The following CADM2 variants were observed in gnomAD, a reference collection of about 807,000 sequenced individuals.
The protein encoded by CADM2 is cell adhesion molecule 2.
A neutral mutation model predicts 49.8 loss-of-function variants in CADM2; 12 were observed. That is an observed-to-expected ratio of 0.24 (90% CI 0.15 to 0.39). The LOEUF is 0.39. CADM2 is among the 10% of genes least tolerant of loss of function. The pLI is 1.00. For synonymous variants in CADM2, 214 were observed against 175.4 expected, an observed-to-expected ratio of 1.22 and a Z score of -1.74; for missense variants, 378 against 492.3, an observed-to-expected ratio of 0.77 and a Z score of 2.20.
chr3:85,728,191 CT>C (rs1239573960), intron 2 of CADM2, among the ~76,000 whole-genome samples: 1 of 152,108 alleles, frequency 6.6e-6, no homozygotes, highest in African/African-American at 2.4e-5. Flanking sequence ...CATTTCAGGA[CT>C]CAAGCTGACT....
At chr3:85,393,828 TAAAG>T (rs1347797397) in intron 1 of CADM2, among the ~76,000 whole-genome samples, 1 of 152,176 alleles carries the variant, frequency 6.6e-6, no homozygotes, top group Non-Finnish European at 1.5e-5. Context: ...AACTTTGTCT[TAAAG>T]AAGTGAAATA....
Position 85,004,959 on chromosome 3 carries a change from C to T in CADM2, c.61+45291C>T, listed in dbSNP as rs147879126. On this transcript the variant is annotated intron_variant, in intron 1 of 9. Transcript: ENST00000383699. The stretch of plus-strand genomic sequence containing the variant: ...GTGATGGCTCGGCACATCCAAGTTG[C>T]AATAACTAATGGCAGTTGACTGCTC... 6.3e-3 allele frequency among the ~76,000 whole-genome samples: 961 copies of T among 152,214 alleles called. 9 individuals carry two copies. The highest frequency in any genetic ancestry group is 0.021 in the African/African-American group (893 of 41,548).
chr3:85,368,372 G>C (rs13092765), intron 1 of CADM2, among the ~76,000 whole-genome samples: 6,340 of 151,972 alleles, frequency 0.042, 201 homozygotes, highest in Non-Finnish European at 0.056. Flanking sequence ...AGAGGGGAGT[G>C]GGCTAAGCAT....
intron 3 of CADM2, among the ~76,000 whole-genome samples, chr3:85,818,068 G>A (rs1403838870): frequency 6.6e-6 from 1 of 152,100 alleles, no homozygotes; most frequent in Non-Finnish European, 1.5e-5. Flanking sequence ...AAATGGCTGT[G>A]TTGTGGGCAA....
intron 1 of CADM2, among the ~76,000 whole-genome samples, chr3:85,321,114 ATATTTTTTTTTTTTTTTTTTTTT>A (rs2044594847): frequency 2.6e-4 from 9 of 34,136 alleles, no homozygotes; most frequent in Non-Finnish European, 3.5e-4. Context: ...ATATATATAT[ATATTTTTTTTTTTTTTTTTTTTT>A]TTTTTTTTTT....
chr3:85,028,598 C>G (rs887964930), intron 1 of CADM2, among the ~76,000 whole-genome samples: 1 of 151,990 alleles, frequency 6.6e-6, no homozygotes. Context: ...TTTTGGACTC[C>G]TCTGTTAATG....
chr3:85,387,901 T>G (rs1052978847), intron 1 of CADM2, among the ~76,000 whole-genome samples: 3 of 152,204 alleles, frequency 2.0e-5, no homozygotes, highest in African/African-American at 7.2e-5. Context: ...TATAGTTCCT[T>G]TGCTTTAATT....
chr3:85,294,113 A>G (rs1034544466), intron 1 of CADM2, among the ~76,000 whole-genome samples: 7 of 151,958 alleles, frequency 4.6e-5, no homozygotes, highest in South Asian at 4.2e-4. Context: ...AAATCAATGT[A>G]CAAAAATCAC....
chr3:85,840,554 G>C (rs1175700422), intron 3 of CADM2, among the ~76,000 whole-genome samples: 2 of 151,716 alleles, frequency 1.3e-5, no homozygotes, highest in African/African-American at 4.8e-5. Flanking sequence ...GATTCTAATT[G>C]ATCCCTCAAT....
intron 1 of CADM2, among the ~76,000 whole-genome samples, chr3:85,535,069 G>A (rs895787126): frequency 8.4e-6 from 1 of 119,196 alleles, no homozygotes; most frequent in African/African-American, 2.5e-5. Context: ...AGTTCACGAT[G>A]TTACTCAGTA....
intron 1 of CADM2, among the ~76,000 whole-genome samples, chr3:85,569,419 G>T (rs1211206292): frequency 6.6e-6 from 1 of 152,104 alleles, no homozygotes; most frequent in African/African-American, 2.4e-5. Context: ...ATATTTGTGT[G>T]CAACTTTTTG....
chr3:85,138,376 G>A (rs2039481188), intron 1 of CADM2, among the ~76,000 whole-genome samples: 1 of 152,078 alleles, frequency 6.6e-6, no homozygotes, highest in Non-Finnish European at 1.5e-5. Context: ...GTCTCTTGAG[G>A]CTTTCTTCAG....
intron 7 of CADM2, among the ~76,000 whole-genome samples, chr3:85,954,521 T>C (rs1723808749): frequency 6.6e-6 from 1 of 151,026 alleles, no homozygotes; most frequent in Non-Finnish European, 1.5e-5. Context: ...TACATTTTAA[T>C]TTTTTAAAAA....
chr3:84,996,456 A>C (rs2107197229), intron 1 of CADM2, among the ~76,000 whole-genome samples: 1 of 152,210 alleles, frequency 6.6e-6, no homozygotes, highest in Non-Finnish European at 1.5e-5. Context: ...GACTTGTCTT[A>C]ATTAGACTAG....
At chr3:85,000,395 T>G (rs977571525) in intron 1 of CADM2, among the ~76,000 whole-genome samples, 3 of 152,046 alleles carry the variant, frequency 2.0e-5, no homozygotes, top group Admixed American at 6.6e-5. Context: ...CCCAAAGCAC[T>G]GCTTCTATTC....
intron 1 of CADM2, among the ~76,000 whole-genome samples, chr3:85,063,328 T>C (rs2036405983): frequency 6.6e-6 from 1 of 152,038 alleles, no homozygotes; most frequent in Non-Finnish European, 1.5e-5. Context: ...AATTTCATTC[T>C]AAATTGGGAT....
intron 1 of CADM2, among the ~76,000 whole-genome samples, chr3:84,985,017 G>C (rs938581809): frequency 2.6e-5 from 4 of 152,134 alleles, no homozygotes; most frequent in Non-Finnish European, 5.9e-5. Flanking sequence ...AGCAGTAGAA[G>C]AAAACAAGAT....
At chr3:86,007,079 C>T (rs1730887642) in intron 8 of CADM2, among the ~76,000 whole-genome samples, 1 of 151,614 alleles carries the variant, frequency 6.6e-6, no homozygotes, top group African/African-American at 2.4e-5. Flanking sequence ...AATTAACAAA[C>T]CTATTGACTA....
At position 85,371,687 on chromosome 3, in the gene CADM2, A is replaced by G. The variant is rs962430381; in HGVS notation, c.62-354835A>G. On this transcript the variant is annotated intron_variant, in intron 1 of 9. Coordinates refer to ENST00000383699, the MANE Select transcript of CADM2 (RefSeq NM_001167675.2). ...TGTGTGTGTGTGTGTGTATATATATATATATATATATATATATATATATAT... is the reference window on the plus strand; with the variant it reads ...TGTGTGTGTGTGTGTGTATATATATGTATATATATATATATATATATATAT... Among the ~76,000 whole-genome samples the G allele has an allele frequency of 4.6e-3, 619 of 133,550 alleles. 16 individuals are homozygous for G. The highest frequency in any genetic ancestry group is 4.9e-3 in the Non-Finnish European group (310 of 63,738). The allele number at this position is 133,550 out of a possible 152,430, so 87.6% of individuals were successfully genotyped here. A position where few individuals can be genotyped will look rare whatever the true frequency, so the allele number is the denominator to read the frequency against.
Sources: gnomAD v4.1 joint callset for allele counts (sites outside exome capture counted in the v4.1 genomes callset) on GRCh38, gnomAD v4.1.1 for gene constraint, MANE v1.5 for transcripts, NCBI Gene and HGNC (gene_info 2026-07-23, HGNC 2026-07-21) for gene names.